Variants in ATP6V0D1 observed in about 807,000 individuals in gnomAD.
ATP6V0D1 encodes the protein V-type proton ATPase subunit d 1.
Under a neutral mutation model 39.0 loss-of-function variants are expected in ATP6V0D1, and 13 were observed. That is an observed-to-expected ratio of 0.33 (90% CI 0.22 to 0.53). ATP6V0D1 has a LOEUF of 0.53. Ranked by LOEUF, ATP6V0D1 falls within the 20% of genes least tolerant of loss-of-function variation. The probability of loss-of-function intolerance (pLI) is 0.94; values close to 1 mark genes in which losing one functional copy is unlikely to be tolerated. For synonymous variants in ATP6V0D1, 191 were observed against 191.2 expected (o/e 1.00, Z 0.01); for missense variants, 272 against 470.9 (o/e 0.58, Z 3.91).
intron 1 of ATP6V0D1, among the ~76,000 whole-genome samples, chr16:67,471,579 A>T (rs2041373354): frequency 6.6e-6 from 1 of 152,132 alleles, no homozygotes; most frequent in Non-Finnish European, 1.5e-5. Flanking sequence ...CAGTCACCCT[A>T]TGGTATAGAA....
At chr16:67,477,675 G>GTT (rs201598029) in intron 1 of ATP6V0D1, among the ~76,000 whole-genome samples, 1 of 147,786 alleles carries the variant, frequency 6.8e-6, no homozygotes, top group Admixed American at 6.8e-5. Context: ...ATAATAAACA[G>GTT]TTTTTTTTTT....
chr16:67,463,333 C>A (rs1049627721), intron 1 of ATP6V0D1, among the ~76,000 whole-genome samples: 2 of 152,060 alleles, frequency 1.3e-5, no homozygotes, highest in East Asian at 1.9e-4. Flanking sequence ...AAGCTCAAGA[C>A]CAGCCTGAGC....
In ATP6V0D1 at chr16:67,438,449, A is replaced by G; in HGVS notation, c.*79T>C. 6.6e-7 allele frequency: 1 copy of G among 1,520,716 alleles called. No homozygotes were observed. The highest frequency in any genetic ancestry group is 1.3e-5 in the South Asian group (1 of 79,568). 94.2% of individuals were successfully genotyped at this position (1,520,716 alleles called of 1,614,324 possible). ...GAGCCACAGGCTTGTCACAGACCACATACACACACACGCACACACACGCGC... is the reference window on the plus strand; with the variant it reads ...GAGCCACAGGCTTGTCACAGACCACGTACACACACACGCACACACACGCGC... On this transcript the variant is annotated 3_prime_UTR_variant, in exon 8 of 8. Coordinates refer to ENST00000290949, the MANE Select transcript of ATP6V0D1 (RefSeq NM_004691.5).
chr16:67,448,798 C>T (rs764625437), intron 2 of ATP6V0D1, among the ~76,000 whole-genome samples: 17 of 152,260 alleles, frequency 1.1e-4, no homozygotes, highest in Middle Eastern at 3.4e-3. Flanking sequence ...CTGGGCCTCA[C>T]GGAGCTCCTG....
In ATP6V0D1 at chr16:67,439,130, G is replaced by A. The variant is rs760234869; in HGVS notation, c.657C>T (p.Arg219=). 4.2e-5 allele frequency: 68 copies of A among 1,614,020 alleles called. No homozygotes were observed. The highest frequency in any genetic ancestry group is 1.6e-4 in the Middle Eastern group (1 of 6,084). Residue 219 remains arginine, a synonymous_variant, in exon 6 of 8, where the codon CGC becomes CGT. Coordinates refer to ENST00000290949, the MANE Select transcript of ATP6V0D1 (RefSeq NM_004691.5). The part of the protein sequence containing the change: ...CPILEFEADR[R]AFIITINSFG... ...AAGAATTGATGGTGATGATGAAGGC[G>A]CGGCGGTCTGCTTCAAACTGTGGAG...
In ATP6V0D1 at chr16:67,438,703, C is replaced by T; in HGVS notation, c.895-14G>A. 6.2e-7 allele frequency: 1 copy of T among 1,614,198 alleles called. No homozygotes were observed. Among genetic ancestry groups the T allele is most frequent in the Non-Finnish European group, 8.5e-7 (1 of 1,180,016 alleles). ...GTTCAGCTTTACCTGTGGACACGGG[C>T]AGATGTGGTGTCCAGGTGGCCATGG... On this transcript the variant is annotated splice_polypyrimidine_tract_variant and intron_variant, in intron 7 of 7. Coordinates refer to ENST00000290949, the MANE Select transcript of ATP6V0D1 (RefSeq NM_004691.5).
chr16:67,465,510 T>C (rs1340034894), intron 1 of ATP6V0D1, among the ~76,000 whole-genome samples: 2 of 152,184 alleles, frequency 1.3e-5, no homozygotes, highest in African/African-American at 4.8e-5. Context: ...CTGAGAAGTG[T>C]AGCCCTGATC....
intron 1 of ATP6V0D1, among the ~76,000 whole-genome samples, chr16:67,461,940 G>A (rs1157758330): frequency 6.6e-6 from 1 of 152,142 alleles, no homozygotes; most frequent in African/African-American, 2.4e-5. Flanking sequence ...ATACTCTCAG[G>A]AACACCTTGT....
chr16:67,444,443 G>GC lies in ATP6V0D1; in HGVS notation c.481+84dup. 2.8e-6 allele frequency: 4 copies of GC among 1,433,136 alleles called. No homozygotes were observed. The highest frequency in any genetic ancestry group is 1.4e-5 in the African/African-American group (1 of 70,118). The allele number at this position is 1,433,136 out of a possible 1,614,324, so 88.8% of individuals were successfully genotyped here. A position where few individuals can be genotyped will look rare whatever the true frequency, so the allele number is the denominator to read the frequency against. ...AGGTCTCACTTTCTGGCTCAGGGTC[G>GC]CCCCCCAGCGGGTCCACAAACCCCA... is the stretch of plus-strand genomic sequence containing the variant. On this transcript the variant is annotated intron_variant, in intron 3 of 7. Transcript: ENST00000290949. This position sits in a 1 kb window ranked among gnomAD's most constrained non-coding sequence, Gnocchi z 4.8.
rs2041093797 is a variant in ATP6V0D1, at chr16:67,444,651, G to A, written c.358C>T (p.Arg120Cys). ...TTGGGCACGAGCTCAGCGATGGAGC[G>A]CTGGTGCAGCGTGCCTGTGATGAGC... The part of the protein sequence containing the change: ...ILLITGTLHQ[R>C]SIAELVPKCH... Residue 120 changes from arginine (R) to cysteine (C), a missense_variant, in exon 3 of 8, where the codon CGC becomes TGC. Physicochemically the swap from Arg to Cys is radical, Grantham distance 180. Around this residue, in one of 4 missense-constraint regions of ATP6V0D1, gnomAD observed 135 missense variants for 273.8 expected, o/e 0.49. Transcript: ENST00000290949. The surrounding 1 kb of genome is among the most constrained non-coding windows in gnomAD (Gnocchi z 4.8). The A allele has an allele frequency of 1.2e-6, 2 of 1,612,426 alleles. No individual in the cohort carries two copies. The highest frequency in any genetic ancestry group is 1.7e-6 in the Non-Finnish European group (2 of 1,179,026).
intron 1 of ATP6V0D1, among the ~76,000 whole-genome samples, chr16:67,461,807 A>G (rs2041291324): frequency 6.6e-6 from 1 of 152,180 alleles, no homozygotes; most frequent in African/African-American, 2.4e-5. Context: ...AGACACAGGG[A>G]TCAAATGGGA....
At chr16:67,470,755 C>CT (rs1490637712) in intron 1 of ATP6V0D1, among the ~76,000 whole-genome samples, 1 of 151,910 alleles carries the variant, frequency 6.6e-6, no homozygotes, top group Non-Finnish European at 1.5e-5. Flanking sequence ...GCACCCCTAA[C>CT]TTTCCTATCC....
rs2041202085 is a variant in ATP6V0D1 at position 67,453,273 on chromosome 16, G to T, written c.302+271C>A. On this transcript the variant is annotated intron_variant, in intron 2 of 7. Coordinates refer to ENST00000290949, the MANE Select transcript of ATP6V0D1 (RefSeq NM_004691.5). The surrounding 1 kb of genome is among the most constrained non-coding windows in gnomAD (Gnocchi z 4.1). ...ACTACTGCGTGGGACACTCTTGCCT[G>T]CCCATCATATCTTCAGCCAGTAGTG... 1.3e-5 allele frequency among the ~76,000 whole-genome samples: 2 copies of T among 152,224 alleles called. No homozygotes were observed. Among genetic ancestry groups the T allele is most frequent in the South Asian group, 4.1e-4 (2 of 4,836 alleles).
chr16:67,452,090 C>T (rs974565322), intron 2 of ATP6V0D1: 170 of 1,117,156 alleles, frequency 1.5e-4, no homozygotes, highest in Non-Finnish European at 2.0e-4. Flanking sequence ...CCTGGTATGT[C>T]CTCAGCTCTG....
At chr16:67,477,548 G>A (rs1288217189) in intron 1 of ATP6V0D1, among the ~76,000 whole-genome samples, 1 of 152,100 alleles carries the variant, frequency 6.6e-6, no homozygotes, top group African/African-American at 2.4e-5. Flanking sequence ...AACTAGTATT[G>A]AAACAAGACA....
chr16:67,452,383 G>C, intron 2 of ATP6V0D1: 1 of 1,535,638 alleles, frequency 6.5e-7, no homozygotes, highest in Non-Finnish European at 8.7e-7. Context: ...CCCTTTGGCT[G>C]CAGCACTTCT....
In ATP6V0D1 at chr16:67,480,994, G is replaced by T; in HGVS notation, c.93C>A (p.Ala31=). Residue 31 remains alanine (A), a synonymous_variant, in exon 1 of 8, where the codon GCC becomes GCA. Coordinates refer to ENST00000290949, the MANE Select transcript of ATP6V0D1 (RefSeq NM_004691.5). ...RGLKAGVLSQ[A]DYLNLVQCET... is the part of the protein sequence containing the mutation. ...CGCACTGCACCAGGTTGAGGTAGTCGGCCTGGCTGAGCACCCCGGCCTTCA... is the reference window on the plus strand; with the variant it reads ...CGCACTGCACCAGGTTGAGGTAGTCTGCCTGGCTGAGCACCCCGGCCTTCA... 6.2e-7 allele frequency: 1 copy of T among 1,614,160 alleles called. No homozygotes were observed. Among genetic ancestry groups the T allele is most frequent in the Non-Finnish European group, 8.5e-7 (1 of 1,179,998 alleles).
At chr16:67,440,671 GCT>G (rs2041040039) in intron 4 of ATP6V0D1, 1 of 152,252 alleles carries the variant, frequency 6.6e-6, no homozygotes, top group Admixed American at 6.5e-5. Flanking sequence ...GCTGGGTGGT[GCT>G]CCAAGAGAGA....
chr16:67,476,507 G>A (rs746915001), intron 1 of ATP6V0D1, among the ~76,000 whole-genome samples: 6 of 152,130 alleles, frequency 3.9e-5, no homozygotes, highest in Non-Finnish European at 7.4e-5. Context: ...CTATTGGAAA[G>A]AAATAAGCAT....
Sources: gnomAD v4.1 joint callset for allele counts (sites outside exome capture counted in the v4.1 genomes callset) on GRCh38, gnomAD v4.1.1 for gene constraint, gnomAD v4.1.1 regional missense constraint, Gnocchi (gnomAD v3.1) non-coding constraint, MANE v1.5 for transcripts, NCBI Gene and HGNC (gene_info 2026-07-23, HGNC 2026-07-21) for gene names.